XKR9: variants seen among roughly 807,000 people sequenced by gnomAD.
XKR9 encodes the protein XK related 9, also known as XK-related protein 9.
In XKR9, 32 loss-of-function variants were observed where a neutral mutation model predicts 32.0. The observed-to-expected ratio is 1.00, with a 90% CI of 0.76 to 1.34. XKR9 has a LOEUF of 1.34. XKR9 is among the 40% of genes most tolerant of loss of function. The probability of loss-of-function intolerance (pLI) is 0.00; values close to 1 mark genes in which losing one functional copy is unlikely to be tolerated. For missense variants in XKR9, 546 were observed against 429.7 expected, an observed-to-expected ratio of 1.27 and a Z score of -2.39; for synonymous variants, 168 against 143.4, an observed-to-expected ratio of 1.17 and a Z score of -1.22.
At chr8:70,980,089 A>G in the XKR9 span, among the ~76,000 whole-genome samples, 4 of 152,228 alleles carry the variant, frequency 2.6e-5, no homozygotes, top group Non-Finnish European at 5.9e-5. Context: ...ATAATCTCCT[A>G]GTGTGCCATT....
the XKR9 span, among the ~76,000 whole-genome samples, chr8:70,942,669 G>A: frequency 6.6e-6 from 1 of 152,114 alleles, no homozygotes; most frequent in South Asian, 2.1e-4. Context: ...TGTAACCTGA[G>A]ACAAATTAGT....
the XKR9 span, among the ~76,000 whole-genome samples, chr8:71,008,107 T>C: frequency 6.6e-6 from 1 of 152,090 alleles, no homozygotes; most frequent in African/African-American, 2.4e-5. Context: ...TGAAGAATTT[T>C]TAAAAAGGAA....
chr8:70,753,458 A>G (rs1586883830), intron 2 of XKR9, among the ~76,000 whole-genome samples: 1 of 152,148 alleles, frequency 6.6e-6, no homozygotes, highest in South Asian at 2.1e-4. Flanking sequence ...CAGAGACACA[A>G]CCAAAAAAGA....
the XKR9 span, among the ~76,000 whole-genome samples, chr8:70,805,527 C>T: frequency 1.6e-4 from 24 of 152,278 alleles, no homozygotes; most frequent in East Asian, 5.8e-4. Context: ...GGGGGAAGGG[C>T]GGCATTCATC....
the XKR9 span, among the ~76,000 whole-genome samples, chr8:70,849,808 T>A: frequency 0.97 from 148,032 of 152,302 alleles, 71,951 homozygotes; most frequent in East Asian, 1. Context: ...TCCCACAGAA[T>A]TACAAACTAC....
In XKR9 at chr8:70,735,392, G is replaced by T. The variant is rs1586874147; in HGVS notation, c.*968G>T. 1 of 151,360 alleles carries T rather than the reference G, an allele frequency of 6.6e-6. No homozygotes were observed. Among genetic ancestry groups the T allele is most frequent in the Admixed American group, 6.6e-5 (1 of 15,186 alleles). 9.4% of individuals were successfully genotyped at this position (151,360 alleles called of 1,614,324 possible). On this transcript the variant is annotated 3_prime_UTR_variant, in exon 5 of 5. Coordinates refer to ENST00000408926, the MANE Select transcript of XKR9 (RefSeq NM_001011720.2). ...TGTGTGAAACTTAATCTCCAAATTT[G>T]TATGTTGATGGCATTTGGAAGTGGT...
chr8:70,909,603 A>T, the XKR9 span, among the ~76,000 whole-genome samples: 1 of 151,518 alleles, frequency 6.6e-6, no homozygotes, highest in Admixed American at 6.6e-5. Context: ...AGATCTCGCC[A>T]CTGCACTCCA....
the XKR9 span, among the ~76,000 whole-genome samples, chr8:70,890,046 T>A: frequency 2.0e-5 from 3 of 152,088 alleles, no homozygotes; most frequent in East Asian, 5.8e-4. Flanking sequence ...AACCAGTGTA[T>A]CAGCATTGAA....
intron 2 of XKR9, among the ~76,000 whole-genome samples, chr8:70,761,745 C>T (rs1279417180): frequency 2.0e-5 from 3 of 151,822 alleles, no homozygotes; most frequent in African/African-American, 7.3e-5. Flanking sequence ...TTACTTTTGG[C>T]ATCTTTGTCA....
the XKR9 span, among the ~76,000 whole-genome samples, chr8:70,836,437 A>C: frequency 6.6e-6 from 1 of 152,058 alleles, no homozygotes; most frequent in East Asian, 1.9e-4. Context: ...GAAGTTCACT[A>C]TGTACATTTT....
intron 3 of XKR9, among the ~76,000 whole-genome samples, chr8:70,704,490 AACCCAATGAGGGAG>A (rs1805651405): frequency 6.6e-6 from 1 of 152,148 alleles, no homozygotes; most frequent in African/African-American, 2.4e-5. Flanking sequence ...TTCTCACATC[AACCCAATGAGGGAG>A]GTATGATGAT....
the XKR9 span, among the ~76,000 whole-genome samples, chr8:70,896,163 A>G: frequency 6.6e-6 from 1 of 152,158 alleles, no homozygotes; most frequent in African/African-American, 2.4e-5. Context: ...TAGTGGTTGC[A>G]GTTTTTAAAA....
chr8:71,004,972 G>A, the XKR9 span, among the ~76,000 whole-genome samples: 2 of 148,968 alleles, frequency 1.3e-5, no homozygotes, highest in African/African-American at 5.0e-5. Flanking sequence ...TAGGACTACA[G>A]GATTGTGCCA....
chr8:70,879,443 C>G, the XKR9 span, among the ~76,000 whole-genome samples: 1 of 151,912 alleles, frequency 6.6e-6, no homozygotes, highest in Non-Finnish European at 1.5e-5. Flanking sequence ...AGAGAAGAAT[C>G]AAATAGACAA....
chr8:70,860,720 T>C, the XKR9 span, among the ~76,000 whole-genome samples: 1 of 151,264 alleles, frequency 6.6e-6, no homozygotes, highest in Non-Finnish European at 1.5e-5. Flanking sequence ...TTTATAAATG[T>C]CAATGTTACC....
intron 4 of XKR9, among the ~76,000 whole-genome samples, chr8:70,729,764 A>T (rs1356574468): frequency 6.6e-6 from 1 of 152,220 alleles, no homozygotes; most frequent in Non-Finnish European, 1.5e-5. Context: ...GGAGTGTCAC[A>T]TAATTTTGGA....
the XKR9 span, among the ~76,000 whole-genome samples, chr8:71,065,691 T>A: frequency 6.6e-6 from 1 of 152,246 alleles, no homozygotes; most frequent in African/African-American, 2.4e-5. Flanking sequence ...ATTGAGCTTC[T>A]AATCTTGCTT....
the XKR9 span, among the ~76,000 whole-genome samples, chr8:70,808,504 C>G: frequency 1.3e-5 from 2 of 152,082 alleles, no homozygotes; most frequent in African/African-American, 2.4e-5. Context: ...GAGGCATTGC[C>G]TCACCCAGGA....
intron 2 of XKR9, among the ~76,000 whole-genome samples, chr8:70,742,992 A>G (rs1807009174): frequency 6.6e-6 from 1 of 151,786 alleles, no homozygotes. Flanking sequence ...TCTGGCCATT[A>G]TTATTCTCAT....
Sources: allele counts gnomAD v4.1 joint callset (sites outside exome capture counted in the v4.1 genomes callset), GRCh38; gene constraint gnomAD v4.1.1; transcripts MANE v1.5; gene names NCBI Gene and HGNC (gene_info 2026-07-23, HGNC 2026-07-21).